The following NIBAN2 variants were observed in gnomAD, a reference collection of about 807,000 sequenced individuals.
NIBAN2 encodes the protein protein Niban 2.
A neutral mutation model predicts 81.8 loss-of-function variants in NIBAN2; 36 were observed. The observed-to-expected ratio is 0.44, with a 90% confidence interval of 0.34 to 0.58. NIBAN2 has a LOEUF of 0.58. Ranked by LOEUF, NIBAN2 falls within the 20% of genes least tolerant of loss-of-function variation. The pLI, the probability that NIBAN2 is intolerant of heterozygous loss-of-function variation, is 0.02. For synonymous variants in NIBAN2, 445 were observed against 441.6 expected, an observed-to-expected ratio of 1.01 and a Z score of -0.10; for missense variants, 897 against 1,014.1, an observed-to-expected ratio of 0.88 and a Z score of 1.57.
At chr9:127,540,544 C>T (rs368046146) in intron 1 of NIBAN2, among the ~76,000 whole-genome samples, 10 of 152,200 alleles carry the variant, frequency 6.6e-5, no homozygotes, top group Non-Finnish European at 8.8e-5. Context: ...AACTCAACCT[C>T]GGGCCAGGTG....
At position 127,536,258 on chromosome 9, in the gene NIBAN2, C is replaced by G. The variant is rs767574633; in HGVS notation, c.56-4480G>C. 1.3e-5 allele frequency among the ~76,000 whole-genome samples: 2 copies of G among 152,190 alleles called. No homozygotes were observed. Among genetic ancestry groups the G allele is most frequent in the African/African-American group, 2.4e-5 (1 of 41,448 alleles). Reference sequence around the variant, plus strand: ...AGGCCAGAGGGACCCAAAAGGCCAGCAGCATTGGGAGGGGGCCAGCCTGGA... The same window carrying G: ...AGGCCAGAGGGACCCAAAAGGCCAGGAGCATTGGGAGGGGGCCAGCCTGGA... On this transcript the variant is annotated intron_variant, in intron 1 of 13. Transcript: ENST00000373312. The surrounding 1 kb of genome is among the most constrained non-coding windows in gnomAD (Gnocchi z 4.0).
At chr9:127,541,661 C>T (rs944625739) in intron 1 of NIBAN2, among the ~76,000 whole-genome samples, 12 of 152,180 alleles carry the variant, frequency 7.9e-5, no homozygotes, top group Middle Eastern at 3.4e-3. Context: ...AGCCCATCCA[C>T]GAGAAGAGCC....
At chr9:127,565,782 CAAAAAA>C (rs34713108) in intron 1 of NIBAN2, among the ~76,000 whole-genome samples, 3 of 70,856 alleles carry the variant, frequency 4.2e-5, no homozygotes, top group Non-Finnish European at 5.3e-5. Context: ...GACTCTGTCT[CAAAAAA>C]AAAAAAAAAA....
chr9:127,576,113 C>T (rs564607898), intron 1 of NIBAN2, among the ~76,000 whole-genome samples: 19 of 152,168 alleles, frequency 1.2e-4, no homozygotes, highest in Non-Finnish European at 2.2e-4. Flanking sequence ...TAGCGTCAGT[C>T]GCAATGGGAG....
intron 1 of NIBAN2, among the ~76,000 whole-genome samples, chr9:127,576,848 A>G (rs750945649): frequency 6.6e-6 from 1 of 151,314 alleles, no homozygotes; most frequent in Non-Finnish European, 1.5e-5. Flanking sequence ...AAGTGCCACA[A>G]CGTCCGGCTA....
chr9:127,516,770 G>T, intron 8 of NIBAN2, 87 bp downstream of exon 8: 1 of 1,348,430 alleles, frequency 7.4e-7, no homozygotes, highest in African/African-American at 1.4e-5. Context: ...GCAAGTCATT[G>T]CTGTGAAATT....
At position 127,536,761 on chromosome 9, in the gene NIBAN2, G is replaced by C. The variant is rs1837287812; in HGVS notation, c.56-4983C>G. 6.6e-6 allele frequency among the ~76,000 whole-genome samples: 1 copy of C among 152,202 alleles called. No individual in the cohort carries two copies. The highest frequency in any genetic ancestry group is 1.5e-5 in the Non-Finnish European group (1 of 68,032). On this transcript the variant is annotated intron_variant, in intron 1 of 13. Transcript: ENST00000373312. This position sits in a 1 kb window ranked among gnomAD's most constrained non-coding sequence, Gnocchi z 4.0. ...CACACAGCCAGATGGAGGCAATTAGGTTCGAGCCATAGTCGGCTGCATGCC... is the reference window on the plus strand; with the variant it reads ...CACACAGCCAGATGGAGGCAATTAGCTTCGAGCCATAGTCGGCTGCATGCC...
intron 1 of NIBAN2, among the ~76,000 whole-genome samples, chr9:127,533,441 A>T (rs551263822): frequency 1.5e-4 from 23 of 152,310 alleles, no homozygotes; most frequent in African/African-American, 5.3e-4. Flanking sequence ...TGGGCGACAG[A>T]GCGAGACTCC....
rs1222877161 is a variant in NIBAN2 at position 127,517,690 on chromosome 9, G to A, written c.705+136C>T. On this transcript the variant is annotated intron_variant, in intron 6 of 13. Transcript: ENST00000373312. This position sits in a 1 kb window ranked among gnomAD's most constrained non-coding sequence, Gnocchi z 4.0. Reference sequence around the variant, plus strand: ...CTCCACGTGCACTGGCCCTGCACTTGTCCAAATCTAAGCATGTCATCTCCT... The same window carrying A: ...CTCCACGTGCACTGGCCCTGCACTTATCCAAATCTAAGCATGTCATCTCCT... 16 of 675,198 alleles carry A rather than the reference G, an allele frequency of 2.4e-5. No homozygotes were observed. In the East Asian group the frequency reaches 4.3e-4, roughly 18 times the overall value. 41.8% of individuals were successfully genotyped at this position (675,198 alleles called of 1,614,324 possible). A position where few individuals can be genotyped will look rare whatever the true frequency, so the allele number is the denominator to read the frequency against.
chr9:127,511,791 T>C (rs1836740300), intron 8 of NIBAN2, among the ~76,000 whole-genome samples: 1 of 152,022 alleles, frequency 6.6e-6, no homozygotes, highest in African/African-American at 2.4e-5. Context: ...AGAAGACATA[T>C]AAATGGCAAA....
chr9:127,541,639 AG>A (rs1446075156), intron 1 of NIBAN2, among the ~76,000 whole-genome samples: 1 of 152,048 alleles, frequency 6.6e-6, no homozygotes, highest in African/African-American at 2.4e-5. Context: ...AAGTAGCAGG[AG>A]GGGGACCAGC....
In NIBAN2 at chr9:127,508,772, G is replaced by A. The variant is rs2244957; in HGVS notation, c.1317+204C>T. 0.47 allele frequency among the ~76,000 whole-genome samples: 70,914 copies of A among 151,686 alleles called. 18,254 individuals are homozygous for A. Among genetic ancestry groups the A allele is most frequent in the Middle Eastern group, 0.6 (176 of 294 alleles). On this transcript the variant is annotated intron_variant, in intron 10 of 13. Transcript: ENST00000373312. This position sits in a 1 kb window ranked among gnomAD's most constrained non-coding sequence, Gnocchi z 6.4. ...CGCAAGGAGAGCTTCCTGGAGGAAG[G>A]GGTCTCTAAGCTGAGACCTGGGAAG...
upstream of NIBAN2, among the ~76,000 whole-genome samples, chr9:127,570,582 A>G (rs559551680): frequency 2.0e-4 from 31 of 152,340 alleles, no homozygotes; most frequent in South Asian, 5.8e-3. Context: ...GTGTCATTCT[A>G]TTATTCATAG....
chr9:127,567,251 G>C (rs1018586685), intron 1 of NIBAN2, among the ~76,000 whole-genome samples: 9 of 152,112 alleles, frequency 5.9e-5, no homozygotes, highest in Non-Finnish European at 8.8e-5. Flanking sequence ...GCCCCTCGAG[G>C]GGCCTCAACA....
At chr9:127,538,135 T>G (rs568000008) in intron 1 of NIBAN2, among the ~76,000 whole-genome samples, 79 of 151,926 alleles carry the variant, frequency 5.2e-4, no homozygotes, top group Non-Finnish European at 1.1e-3. Context: ...TTTCAGCAAG[T>G]TGGTTGAATA....
chr9:127,537,890 G>A (rs779547141), intron 1 of NIBAN2, among the ~76,000 whole-genome samples: 25 of 152,328 alleles, frequency 1.6e-4, no homozygotes, highest in Non-Finnish European at 2.8e-4. Context: ...TTGGGGTCCC[G>A]GTTCCCTTCT....
At chr9:127,518,652 C>A (rs947371793) in intron 5 of NIBAN2, among the ~76,000 whole-genome samples, 1 of 152,208 alleles carries the variant, frequency 6.6e-6, no homozygotes, top group East Asian at 1.9e-4. Flanking sequence ...ATCACTGAAC[C>A]CGAAATGGCC....
intron 8 of NIBAN2, among the ~76,000 whole-genome samples, chr9:127,514,464 T>G (rs1345623402): frequency 2.6e-5 from 4 of 151,624 alleles, no homozygotes; most frequent in Non-Finnish European, 5.9e-5. Context: ...AAAATGAAAA[T>G]AAAATAAAAT....
intron 1 of NIBAN2, among the ~76,000 whole-genome samples, chr9:127,554,849 G>A (rs1362079979): frequency 6.6e-6 from 1 of 151,840 alleles, no homozygotes; most frequent in Admixed American, 6.6e-5. Context: ...GATTACAGGC[G>A]TGAGCCACCA....
Sources: gnomAD v4.1 joint callset for allele counts (sites outside exome capture counted in the v4.1 genomes callset) on GRCh38, gnomAD v4.1.1 for gene constraint, Gnocchi (gnomAD v3.1) non-coding constraint, MANE v1.5 for transcripts, NCBI Gene and HGNC (gene_info 2026-07-23, HGNC 2026-07-21) for gene names.